Variants in CYP4F22 observed in about 807,000 individuals in gnomAD.
The protein encoded by CYP4F22 is cytochrome P450 family 4 subfamily F member 22, also known as ultra-long-chain fatty acid omega-hydroxylase.
CYP4F22 carries 37 observed loss-of-function variants against 60.4 expected under a neutral mutation model. The ratio of observed to expected loss-of-function variants is 0.61; its 90% CI spans 0.47 to 0.81. The LOEUF is 0.81. Ranked by LOEUF, CYP4F22 falls within the 30% of genes least tolerant of loss-of-function variation. The pLI is 0.00. For missense variants in CYP4F22, 655 were observed against 715.0 expected (o/e 0.92, Z 0.96); for synonymous variants, 258 against 280.5 (o/e 0.92, Z 0.80).
intron 1 of CYP4F22, among the ~76,000 whole-genome samples, chr19:15,510,254 T>C (rs1350858095): frequency 6.6e-6 from 1 of 152,100 alleles, no homozygotes; most frequent in African/African-American, 2.4e-5. Context: ...AGTGCTGGGA[T>C]TACAGGCATG....
intron 1 of CYP4F22, among the ~76,000 whole-genome samples, chr19:15,513,399 C>G (rs1364735028): frequency 2.4e-5 from 3 of 126,424 alleles, no homozygotes; most frequent in Admixed American, 8.6e-5. Flanking sequence ...GAGTCTCACT[C>G]TGTCACCGAG....
At chr19:15,547,116 C>T (rs1005711595) in intron 10 of CYP4F22, among the ~76,000 whole-genome samples, 37 of 149,826 alleles carry the variant, frequency 2.5e-4, no homozygotes, top group African/African-American at 7.7e-4. Flanking sequence ...CTCCGCCTTC[C>T]GGGTTCAAGC....
At chr19:15,548,794 A>G (rs1971562229) in intron 11 of CYP4F22, among the ~76,000 whole-genome samples, 1 of 152,054 alleles carries the variant, frequency 6.6e-6, no homozygotes, top group South Asian at 2.1e-4. Context: ...CAGGATGCAG[A>G]TTTTGAAAGG....
rs10401796 is a variant in CYP4F22, at chr19:15,544,342, C to T, written c.1136+63C>T. The T allele has an allele frequency of 7.0e-6, 11 of 1,561,624 alleles. No individual in the cohort carries two copies. In the South Asian group the frequency reaches 1.3e-4, roughly 18 times the overall value. On this transcript the variant is annotated intron_variant, in intron 10 of 13. Coordinates refer to ENST00000269703, the MANE Select transcript of CYP4F22 (RefSeq NM_173483.4). The stretch of plus-strand genomic sequence containing the variant: ...AGGCCAGAGCCTTGGGTGTAAGCCT[C>T]TGCTCTCCCACTTACTGATTGTGTG...
intron 4 of CYP4F22, 149 bp downstream of exon 4, chr19:15,530,002 C>T: frequency 8.7e-7 from 1 of 1,147,522 alleles, no homozygotes; most frequent in East Asian, 2.4e-5. Context: ...GCATGGCAAT[C>T]CAGATTGTGA....
At chr19:15,512,538 T>A (rs1424732104) in intron 1 of CYP4F22, among the ~76,000 whole-genome samples, 1 of 152,066 alleles carries the variant, frequency 6.6e-6, no homozygotes, top group African/African-American at 2.4e-5. Flanking sequence ...ATTCCTGACC[T>A]CAAGTGATCC....
intron 10 of CYP4F22, among the ~76,000 whole-genome samples, chr19:15,546,736 CT>C (rs987893062): frequency 1.3e-5 from 2 of 151,992 alleles, no homozygotes; most frequent in African/African-American, 2.4e-5. Context: ...TCTTTTCTTT[CT>C]TTTTTCTTTT....
At chr19:15,526,185 C>T (rs1169470621) in intron 3 of CYP4F22, among the ~76,000 whole-genome samples, 1 of 151,864 alleles carries the variant, frequency 6.6e-6, no homozygotes. Flanking sequence ...AAAAAAAGAA[C>T]TCTCTCTATA....
At chr19:15,550,985 G>T (rs1362758406) in intron 13 of CYP4F22, among the ~76,000 whole-genome samples, 1 of 152,096 alleles carries the variant, frequency 6.6e-6, no homozygotes, top group Non-Finnish European at 1.5e-5. Context: ...GGGCTCCCAC[G>T]CTCCCATTGG....
chr19:15,541,981 C>T (rs1245099882), intron 8 of CYP4F22, among the ~76,000 whole-genome samples: 1 of 152,062 alleles, frequency 6.6e-6, no homozygotes, highest in Admixed American at 6.5e-5. Flanking sequence ...TCAAATAGTC[C>T]TGGATTCCAG....
At chr19:15,509,609 G>T (rs1018417955) in intron 1 of CYP4F22, among the ~76,000 whole-genome samples, 4 of 152,152 alleles carry the variant, frequency 2.6e-5, no homozygotes, top group African/African-American at 9.7e-5. Context: ...CTGAGGGCCA[G>T]AGAGAAGAAG....
chr19:15,551,484 C>A lies in CYP4F22; in HGVS notation c.*13C>A, dbSNP rs952189792. 5.2e-6 allele frequency: 8 copies of A among 1,549,008 alleles called. No homozygotes were observed. In the Admixed American group the frequency reaches 1.6e-4, roughly 30 times the overall value. ...TCCGCGGGCCTGAGCGTGGGCGCGC[C>A]CCTGCGGCTCCCGAGGGTCCAGGCC... On this transcript the variant is annotated 3_prime_UTR_variant, in exon 14 of 14. Coordinates refer to ENST00000269703, the MANE Select transcript of CYP4F22 (RefSeq NM_173483.4).
chr19:15,524,594 T>A (rs1184900907), intron 2 of CYP4F22, among the ~76,000 whole-genome samples: 1 of 150,988 alleles, frequency 6.6e-6, no homozygotes, highest in African/African-American at 2.4e-5. Flanking sequence ...AAAGCTGCAG[T>A]GAGCCGTGAT....
rs577353169 is a variant in CYP4F22 at position 15,552,114 on chromosome 19, A to G, written c.*643A>G. The G allele has an allele frequency of 6.6e-6, 1 of 152,630 alleles. No homozygotes were observed. Among genetic ancestry groups the G allele is most frequent in the Non-Finnish European group, 1.5e-5 (1 of 68,286 alleles). The allele number at this position is 152,630 out of a possible 1,614,324, so 9.5% of individuals were successfully genotyped here. A position where few individuals can be genotyped will look rare whatever the true frequency, so the allele number is the denominator to read the frequency against. On this transcript the variant is annotated 3_prime_UTR_variant, in exon 14 of 14. Coordinates refer to ENST00000269703, the MANE Select transcript of CYP4F22 (RefSeq NM_173483.4). ...AAGCCCCTTCCTTCCTCCCTTGCCCAAAGATCCTTTGCTGAGTGTTCTGTT... is the reference window on the plus strand; with the variant it reads ...AAGCCCCTTCCTTCCTCCCTTGCCCGAAGATCCTTTGCTGAGTGTTCTGTT...
intron 1 of CYP4F22, among the ~76,000 whole-genome samples, chr19:15,518,688 GAAA>G (rs112651893): frequency 6.0e-5 from 5 of 83,590 alleles, no homozygotes; most frequent in African/African-American, 2.0e-4. Context: ...ACAAAACACA[GAAA>G]AAAAAAAAAA....
At chr19:15,547,210 A>G (rs1356988207) in intron 10 of CYP4F22, among the ~76,000 whole-genome samples, 1 of 151,094 alleles carries the variant, frequency 6.6e-6, no homozygotes, top group Admixed American at 6.6e-5. Flanking sequence ...TTTTTAGTAA[A>G]GATGGGGTTT....
rs769524137 is a variant in CYP4F22, at chr19:15,551,456, G to A, written c.1581G>A (p.Leu527=). 4 of 1,562,050 alleles carry A rather than the reference G, an allele frequency of 2.6e-6. No homozygotes were observed. The highest frequency in any genetic ancestry group is 3.5e-6 in the Non-Finnish European group (4 of 1,153,936). The change falls in exon 14 of 14, where the codon CTG becomes CTA. Residue 527 remains leucine, a synonymous_variant. Coordinates refer to ENST00000269703, the MANE Select transcript of CYP4F22 (RefSeq NM_173483.4). ...GGCTCTGGCTCAAGGTGGAGCCGCTGCCTCCGCGGGCCTGAGCGTGGGCGC... is the reference window on the plus strand; with the variant it reads ...GGCTCTGGCTCAAGGTGGAGCCGCTACCTCCGCGGGCCTGAGCGTGGGCGC... ...ENGLWLKVEP[L]PPRA
intron 4 of CYP4F22, among the ~76,000 whole-genome samples, chr19:15,533,793 G>A (rs1353583781): frequency 6.6e-6 from 1 of 151,572 alleles, no homozygotes; most frequent in Non-Finnish European, 1.5e-5. Context: ...TTGTAGAGAT[G>A]GGGTCTTGCT....
At chr19:15,525,580 T>C (rs1354595463) in intron 3 of CYP4F22, 22 bp downstream of exon 3, 1 of 1,589,872 alleles carries the variant, frequency 6.3e-7, no homozygotes, top group Admixed American at 1.7e-5. Context: ...CAGGCAGGAC[T>C]GGGCTGGGCT....
Sources: gnomAD v4.1 joint callset for allele counts (sites outside exome capture counted in the v4.1 genomes callset) on GRCh38, gnomAD v4.1.1 for gene constraint, MANE v1.5 for transcripts, NCBI Gene and HGNC (gene_info 2026-07-23, HGNC 2026-07-21) for gene names.